The following CREB3L2 variants were observed in gnomAD, a reference collection of about 807,000 sequenced individuals.
The protein encoded by CREB3L2 is cAMP responsive element binding protein 3 like 2, also known as cyclic AMP-responsive element-binding protein 3-like protein 2.
In CREB3L2, 23 loss-of-function variants were observed where a neutral mutation model predicts 57.2. That is an observed-to-expected ratio of 0.40 (90% CI 0.29 to 0.57). CREB3L2 has a LOEUF of 0.57. CREB3L2 is among the 20% of genes least tolerant of loss of function. The pLI is 0.42. For synonymous variants in CREB3L2, 268 were observed against 265.1 expected, an observed-to-expected ratio of 1.01 and a Z score of -0.11; for missense variants, 628 against 634.7, an observed-to-expected ratio of 0.99 and a Z score of 0.11.
rs1800255711 is a variant in CREB3L2 at position 137,920,712 on chromosome 7, T to C, written c.320-4700A>G. 2.6e-5 allele frequency among the ~76,000 whole-genome samples: 4 copies of C among 152,270 alleles called. No homozygotes were observed. The South Asian group carries it at 8.3e-4, about 32-fold the overall frequency. ...TATCAATAAATGTTTGTAGATTGGC[T>C]GATCAGACCTACTAGTTACATCACA... On this transcript the variant is annotated intron_variant, in intron 2 of 11. Coordinates refer to ENST00000330387, the MANE Select transcript of CREB3L2 (RefSeq NM_194071.4).
chr7:137,893,342 G>A (rs930036717), intron 8 of CREB3L2, among the ~76,000 whole-genome samples: 12 of 152,156 alleles, frequency 7.9e-5, no homozygotes, highest in Non-Finnish European at 1.5e-4. Flanking sequence ...ATTTCCATGT[G>A]GAAAGAAAGT....
Position 137,960,809 on chromosome 7 carries a change from CTTTT to C in CREB3L2, c.103-32447_103-32444del, listed in dbSNP as rs66493086. 2.1e-3 allele frequency among the ~76,000 whole-genome samples: 196 copies of C among 95,570 alleles called. 1 individual carries two copies. Among genetic ancestry groups the C allele is most frequent in the Non-Finnish European group, 3.2e-3 (173 of 53,472 alleles). The allele number at this position is 95,570 out of a possible 152,430, so 62.7% of individuals were successfully genotyped here. On this transcript the variant is annotated intron_variant, in intron 1 of 11. Transcript: ENST00000330387. ...TTTTAAACTTAAAACTAAATTATTTCTTTTTTTTTTTTTTTTTTTTTGAGACAGA... is the reference window on the plus strand; with the variant it reads ...TTTTAAACTTAAAACTAAATTATTTCTTTTTTTTTTTTTTTTTGAGACAGA...
At chr7:137,999,923 A>T (rs756395229) in intron 1 of CREB3L2, 27 of 152,214 alleles carry the variant, frequency 1.8e-4, no homozygotes, top group Non-Finnish European at 3.7e-4. Context: ...ATCAAAGCAA[A>T]TGTAAGGCCT....
intron 1 of CREB3L2, among the ~76,000 whole-genome samples, chr7:137,970,514 G>A (rs1184508656): frequency 7.5e-6 from 1 of 132,972 alleles, no homozygotes; most frequent in Non-Finnish European, 1.5e-5. Context: ...CGTTCAGGGT[G>A]AATCACTTGC....
intron 4 of CREB3L2, chr7:137,912,758 T>C: frequency 8.0e-7 from 1 of 1,252,326 alleles, no homozygotes; most frequent in South Asian, 1.4e-5. Flanking sequence ...GAAGTAAAAG[T>C]ATGGTAACAC....
At chr7:137,973,048 C>G (rs1373711975) in intron 1 of CREB3L2, among the ~76,000 whole-genome samples, 1 of 151,542 alleles carries the variant, frequency 6.6e-6, no homozygotes, top group Non-Finnish European at 1.5e-5. Context: ...ACACACACCC[C>G]AAATCCACAT....
intron 10 of CREB3L2, chr7:137,884,653 T>C (rs1799371520): frequency 1.7e-6 from 1 of 574,110 alleles, no homozygotes; most frequent in African/African-American, 1.9e-5. Context: ...ACAGCAGTTC[T>C]CTTAAAACGT....
intron 1 of CREB3L2, among the ~76,000 whole-genome samples, chr7:137,963,845 A>C (rs897318824): frequency 9.9e-5 from 15 of 152,032 alleles, no homozygotes; most frequent in Non-Finnish European, 2.9e-5. Context: ...GTTTTTTTTT[A>C]AACAACTTAT....
chr7:137,882,989 G>C (rs971483523), intron 10 of CREB3L2, among the ~76,000 whole-genome samples: 1 of 152,174 alleles, frequency 6.6e-6, no homozygotes, highest in African/African-American at 2.4e-5. Flanking sequence ...TCCAGACCCA[G>C]CTAAAAGAAG....
At chr7:137,950,265 C>T (rs921892006) in intron 1 of CREB3L2, among the ~76,000 whole-genome samples, 3 of 152,158 alleles carry the variant, frequency 2.0e-5, no homozygotes, top group African/African-American at 7.2e-5. Flanking sequence ...AATGGGATAG[C>T]TATTCTCACC....
At chr7:137,959,530 T>C (rs1801280973) in intron 1 of CREB3L2, among the ~76,000 whole-genome samples, 1 of 152,234 alleles carries the variant, frequency 6.6e-6, no homozygotes, top group Non-Finnish European at 1.5e-5. Context: ...GTTCACAGAA[T>C]TGCAGGCTAA....
At chr7:137,995,705 T>G (rs999818588) in intron 1 of CREB3L2, among the ~76,000 whole-genome samples, 3 of 152,218 alleles carry the variant, frequency 2.0e-5, no homozygotes, top group Non-Finnish European at 4.4e-5. Flanking sequence ...GAATCCATTT[T>G]CAGTTACTTC....
chr7:137,928,448 T>C, intron 1 of CREB3L2, 82 bp from the exon 2 acceptor site: 2 of 1,067,828 alleles, frequency 1.9e-6, no homozygotes, highest in South Asian at 2.7e-5. Context: ...AAATACCTCA[T>C]CCACTGCTCG....
intron 8 of CREB3L2, among the ~76,000 whole-genome samples, chr7:137,892,434 T>A (rs1267120247): frequency 6.6e-6 from 1 of 151,786 alleles, no homozygotes; most frequent in Non-Finnish European, 1.5e-5. Flanking sequence ...GCGGATCACT[T>A]GAGGTCAGGA....
At chr7:137,922,552 T>A (rs1393472445) in intron 2 of CREB3L2, 1 of 410,802 alleles carries the variant, frequency 2.4e-6, no homozygotes, top group East Asian at 7.2e-5. Context: ...GGGCATTTAT[T>A]CTTAAAAAGG....
Position 137,908,540 on chromosome 7 carries a change from C to G in CREB3L2, c.584-104G>C, listed in dbSNP as rs898736310. ...AGTGTGAGGGGCCTCCATGAGCTGACCTGGACAGATCTCCAAGGTGCAGAG... is the reference window on the plus strand; with the variant it reads ...AGTGTGAGGGGCCTCCATGAGCTGAGCTGGACAGATCTCCAAGGTGCAGAG... On this transcript the variant is annotated intron_variant, in intron 4 of 11. Coordinates refer to ENST00000330387, the MANE Select transcript of CREB3L2 (RefSeq NM_194071.4). The G allele has an allele frequency of 1.2e-5, 9 of 757,390 alleles. No individual in the cohort carries two copies. In the South Asian group the frequency reaches 4.0e-4, roughly 34 times the overall value. The allele number at this position is 757,390 out of a possible 1,614,324, so 46.9% of individuals were successfully genotyped here. A position where few individuals can be genotyped will look rare whatever the true frequency, so the allele number is the denominator to read the frequency against.
rs747727029 is a variant in CREB3L2 at position 137,912,808 on chromosome 7, T to G, written c.583+183A>C. 7 of 1,496,278 alleles carry G rather than the reference T, an allele frequency of 4.7e-6. No individual in the cohort carries two copies. In the South Asian group the frequency reaches 4.9e-5, roughly 10 times the overall value. The allele number at this position is 1,496,278 out of a possible 1,614,324, so 92.7% of individuals were successfully genotyped here. A position where few individuals can be genotyped will look rare whatever the true frequency, so the allele number is the denominator to read the frequency against. On this transcript the variant is annotated intron_variant, in intron 4 of 11. Coordinates refer to ENST00000330387, the MANE Select transcript of CREB3L2 (RefSeq NM_194071.4). ...ATCACGTGCATATATGGGAAAATAA[T>G]AGTTAGCTTGCAAAATTTTTATTTG...
chr7:137,995,333 C>CTTTTTTTTTTTTTTTTTTTTTTT (rs10676214), intron 1 of CREB3L2, among the ~76,000 whole-genome samples: 3 of 87,426 alleles, frequency 3.4e-5, no homozygotes, highest in African/African-American at 9.4e-5. Context: ...TCTTTTCTTT[C>CTTTTTTTTTTTTTTTTTTTTTTT]TTTTTTTTTT....
chr7:137,948,184 T>C (rs913480973), intron 1 of CREB3L2, among the ~76,000 whole-genome samples: 2 of 152,234 alleles, frequency 1.3e-5, no homozygotes, highest in Admixed American at 6.5e-5. Context: ...AGCTAAGATA[T>C]ATTCAAAATT....
Sources: gnomAD v4.1 joint callset for allele counts (sites outside exome capture counted in the v4.1 genomes callset) on GRCh38, gnomAD v4.1.1 for gene constraint, MANE v1.5 for transcripts, NCBI Gene and HGNC (gene_info 2026-07-23, HGNC 2026-07-21) for gene names.